MTMR2: variants seen among roughly 807,000 people sequenced by gnomAD.
MTMR2 encodes phosphatidylinositol-3,5-bisphosphate 3-phosphatase MTMR2.
MTMR2 carries 55 observed loss-of-function variants against 86.9 expected under a neutral mutation model. The observed-to-expected ratio is 0.63, with a 90% CI of 0.51 to 0.79. The LOEUF is 0.79. Among genes scored for constraint, MTMR2 ranks in the 30% least tolerant of loss-of-function variants. The pLI, the probability that MTMR2 is intolerant of heterozygous loss-of-function variation, is 0.00. For missense variants in MTMR2, 659 were observed against 772.3 expected, an observed-to-expected ratio of 0.85 and a Z score of 1.74; for synonymous variants, 241 against 266.8, an observed-to-expected ratio of 0.90 and a Z score of 0.94.
In MTMR2 at chr11:95,834,841, C is replaced by CA. The variant is rs2135397223; in HGVS notation, c.*448dup. On this transcript the variant is annotated 3_prime_UTR_variant, in exon 15 of 15. Coordinates refer to ENST00000346299, the MANE Select transcript of MTMR2 (RefSeq NM_016156.6). The stretch of plus-strand genomic sequence containing the variant: ...AAACCTAGAATGGAGAAAGGGATAT[C>CA]AAATGATTTTGATCTGTCATGACAT... 1 of 172,126 alleles carries CA rather than the reference C, an allele frequency of 5.8e-6. No homozygotes were observed. The highest frequency in any genetic ancestry group is 1.3e-4 in the South Asian group (1 of 7,478). The allele number at this position is 172,126 out of a possible 1,614,324, so 10.7% of individuals were successfully genotyped here. A position where few individuals can be genotyped will look rare whatever the true frequency, so the allele number is the denominator to read the frequency against.
chr11:95,850,275 TAAAAA>T (rs34901009), intron 8 of MTMR2, among the ~76,000 whole-genome samples: 1 of 145,332 alleles, frequency 6.9e-6, no homozygotes, highest in Non-Finnish European at 1.5e-5. Context: ...TTCTAGGACT[TAAAAA>T]AAAAAAAGAA....
intron 1 of MTMR2, among the ~76,000 whole-genome samples, chr11:95,890,982 C>T (rs946046995): frequency 3.3e-5 from 5 of 152,226 alleles, no homozygotes; most frequent in Non-Finnish European, 5.9e-5. Context: ...TAGCAATCAA[C>T]ATCTCATAAA....
At chr11:95,889,859 G>A (rs1315295044) in intron 1 of MTMR2, among the ~76,000 whole-genome samples, 2 of 152,116 alleles carry the variant, frequency 1.3e-5, no homozygotes, top group Non-Finnish European at 2.9e-5. Flanking sequence ...TGAATTGGGT[G>A]TTAAAGTTCA....
chr11:95,836,950 C>T (rs1386856086), intron 13 of MTMR2, among the ~76,000 whole-genome samples: 1 of 151,900 alleles, frequency 6.6e-6, no homozygotes, highest in Non-Finnish European at 1.5e-5. Flanking sequence ...TACTAAAAAC[C>T]AGTCAACTAT....
intron 2 of MTMR2, among the ~76,000 whole-genome samples, chr11:95,876,035 T>A (rs184274262): frequency 6.6e-6 from 1 of 152,240 alleles, no homozygotes; most frequent in Non-Finnish European, 1.5e-5. Flanking sequence ...CCAGTTAGGC[T>A]ACTCTGGGGT....
chr11:95,884,030 G>A (rs539665817), intron 2 of MTMR2, among the ~76,000 whole-genome samples: 1 of 152,314 alleles, frequency 6.6e-6, no homozygotes, highest in African/African-American at 2.4e-5. Flanking sequence ...AGAACTGGAA[G>A]CCTAGAGGTT....
chr11:95,914,542 T>A (rs370250290), intron 1 of MTMR2, among the ~76,000 whole-genome samples: 6 of 152,214 alleles, frequency 3.9e-5, no homozygotes, highest in Admixed American at 2.6e-4. Context: ...AATGATACTA[T>A]CCTCTTAATC....
intron 1 of MTMR2, among the ~76,000 whole-genome samples, chr11:95,902,931 G>C (rs1866125537): frequency 6.6e-6 from 1 of 152,062 alleles, no homozygotes; most frequent in Non-Finnish European, 1.5e-5. Flanking sequence ...GACATCATTT[G>C]CCTGTCTCTA....
intron 1 of MTMR2, among the ~76,000 whole-genome samples, chr11:95,916,126 G>A (rs1163673927): frequency 6.6e-6 from 1 of 152,042 alleles, no homozygotes; most frequent in African/African-American, 2.4e-5. Context: ...GGTGTCTCTG[G>A]CATAAGTGAA....
At position 95,834,491 on chromosome 11, in the gene MTMR2, CACAAG is replaced by C. The variant is rs1317494330; in HGVS notation, c.*794_*798del. On this transcript the variant is annotated 3_prime_UTR_variant, in exon 15 of 15. Coordinates refer to ENST00000346299, the MANE Select transcript of MTMR2 (RefSeq NM_016156.6). ...TAATTAGCTTCTGTGTGTTCAGACA[CACAAG>C]ACAAGTGAAATACACTGTAGTAAAT... 1 of 151,998 alleles carries C rather than the reference CACAAG, an allele frequency of 6.6e-6. No individual in the cohort carries two copies. The highest frequency in any genetic ancestry group is 1.5e-5 in the Non-Finnish European group (1 of 67,972). 9.4% of individuals were successfully genotyped at this position (151,998 alleles called of 1,614,324 possible). A position where few individuals can be genotyped will look rare whatever the true frequency, so the allele number is the denominator to read the frequency against.
At chr11:95,899,276 A>G (rs1865987860) in intron 1 of MTMR2, among the ~76,000 whole-genome samples, 1 of 152,160 alleles carries the variant, frequency 6.6e-6, no homozygotes, top group Non-Finnish European at 1.5e-5. Context: ...ACAAGGGAGA[A>G]GGAAGACTCA....
chr11:95,921,398 A>T (rs6650160), intron 1 of MTMR2, among the ~76,000 whole-genome samples: 6,802 of 152,328 alleles, frequency 0.045, 531 homozygotes, highest in African/African-American at 0.15. Context: ...AACTGAGATA[A>T]TATAGGCCAA....
intron 1 of MTMR2, among the ~76,000 whole-genome samples, chr11:95,908,121 G>T (rs1213614180): frequency 3.3e-5 from 5 of 151,944 alleles, no homozygotes; most frequent in Non-Finnish European, 7.4e-5. Context: ...AAAGCTACTA[G>T]ATCTGATAAA....
chr11:95,896,522 G>T (rs1298688965), intron 1 of MTMR2, among the ~76,000 whole-genome samples: 1 of 151,940 alleles, frequency 6.6e-6, no homozygotes, highest in Non-Finnish European at 1.5e-5. Context: ...ACTTCAAGGA[G>T]AAGGGATCCT....
chr11:95,865,795 TA>T, intron 2 of MTMR2, 119 bp from the exon 3 acceptor site: 2 of 808,308 alleles, frequency 2.5e-6, no homozygotes, highest in South Asian at 1.5e-5. Context: ...TACACTATTT[TA>T]AATCAAATTT....
chr11:95,838,254 C>T (rs1293943729), intron 12 of MTMR2, 47 bp from the exon 13 acceptor site: 2 of 1,015,850 alleles, frequency 2.0e-6, no homozygotes, highest in African/African-American at 1.6e-5. Context: ...ATTCTTCAAG[C>T]ATATTCATCC....
chr11:95,883,025 C>T (rs2509098), intron 2 of MTMR2, among the ~76,000 whole-genome samples: 11,676 of 149,930 alleles, frequency 0.078, 594 homozygotes, highest in East Asian at 0.16. Flanking sequence ...GGATTACAGG[C>T]GTGATCCACC....
chr11:95,889,775 C>A (rs549688487), intron 1 of MTMR2, among the ~76,000 whole-genome samples: 1 of 152,178 alleles, frequency 6.6e-6, no homozygotes, highest in Non-Finnish European at 1.5e-5. Flanking sequence ...TAACTGATAT[C>A]ATTTCCTCTT....
intron 1 of MTMR2, among the ~76,000 whole-genome samples, chr11:95,904,886 C>T (rs552391769): frequency 6.6e-6 from 1 of 152,276 alleles, no homozygotes; most frequent in Non-Finnish European, 1.5e-5. Context: ...TGCAGTGCTT[C>T]CAATTCCTCA....
Sources: allele counts gnomAD v4.1 joint callset (sites outside exome capture counted in the v4.1 genomes callset), GRCh38; gene constraint gnomAD v4.1.1; transcripts MANE v1.5; gene names NCBI Gene and HGNC (gene_info 2026-07-23, HGNC 2026-07-21).